IDE: variants seen among roughly 807,000 people sequenced by gnomAD.
IDE encodes the protein insulin-degrading enzyme.
Under a neutral mutation model 133.2 loss-of-function variants are expected in IDE, and 58 were observed. The observed-to-expected ratio is 0.44, with a 90% CI of 0.35 to 0.54. The LOEUF is 0.54. Ranked by LOEUF, IDE falls within the 20% of genes least tolerant of loss-of-function variation. The pLI, the probability that IDE is intolerant of heterozygous loss-of-function variation, is 0.00. For missense variants in IDE, 981 were observed against 1,234.0 expected (o/e 0.79, Z 3.07); for synonymous variants, 396 against 421.3 (o/e 0.94, Z 0.73).
chr10:92,547,981 G>T (rs894657879), intron 1 of IDE, among the ~76,000 whole-genome samples: 7 of 151,940 alleles, frequency 4.6e-5, no homozygotes, highest in African/African-American at 1.2e-4. Flanking sequence ...GAACACCCAG[G>T]CCCAAGCGAT....
At chr10:92,527,185 G>C (rs1849671864) in intron 4 of IDE, among the ~76,000 whole-genome samples, 1 of 152,120 alleles carries the variant, frequency 6.6e-6, no homozygotes, top group Admixed American at 6.6e-5. Context: ...GTAGTCTATA[G>C]AAAGTCTACA....
chr10:92,465,769 T>A lies in IDE; in HGVS notation c.2395A>T (p.Met799Leu), dbSNP rs771781086. ...AACATATTCTCTGAGGTGCTTTGCA[T>A]GTCTGTTTGGTAGTATATCTCGATG... is the stretch of plus-strand genomic sequence containing the variant. ...CGIEIYYQTD[M>L]QSTSENMFLE... The change falls in exon 20 of 25, where the codon ATG becomes TTG. Residue 799 changes from methionine to leucine, a missense_variant. By Grantham distance (15) the Met-to-Leu change is conservative (BLOSUM62 2). Coordinates refer to ENST00000265986, the MANE Select transcript of IDE (RefSeq NM_004969.4). The A allele has an allele frequency of 4.3e-6, 7 of 1,613,902 alleles. No individual in the cohort carries two copies. The South Asian group carries it at 4.4e-5, about 10-fold the overall frequency.
At chr10:92,552,890 T>C (rs1218016916) in intron 1 of IDE, among the ~76,000 whole-genome samples, 1 of 89,998 alleles carries the variant, frequency 1.1e-5, no homozygotes, top group Non-Finnish European at 2.2e-5. Flanking sequence ...TATTTTCCAA[T>C]AAAAGGAACT....
intron 1 of IDE, among the ~76,000 whole-genome samples, chr10:92,569,955 C>A (rs1843712460): frequency 6.6e-6 from 1 of 152,046 alleles, no homozygotes; most frequent in Non-Finnish European, 1.5e-5. Context: ...ACTAAAAATA[C>A]AAAAATTAGT....
At chr10:92,560,016 T>TACTTA (rs749165706) in intron 1 of IDE, among the ~76,000 whole-genome samples, 145 of 152,336 alleles carry the variant, frequency 9.5e-4, no homozygotes, top group Non-Finnish European at 1.4e-3. Context: ...ATTTACTTAT[T>TACTTA]TAAAAACTCA....
intron 9 of IDE, 49 bp downstream of exon 9, chr10:92,507,526 C>T: frequency 1.1e-6 from 1 of 915,960 alleles, no homozygotes; most frequent in Non-Finnish European, 1.8e-6. Context: ...CATGTATTTG[C>T]TCTTGAAAAA....
At chr10:92,543,960 C>A (rs555539111) in intron 1 of IDE, among the ~76,000 whole-genome samples, 55 of 152,266 alleles carry the variant, frequency 3.6e-4, no homozygotes, top group African/African-American at 1.3e-3. Context: ...AGGCCGGGTG[C>A]CGTGGGTCAC....
intron 1 of IDE, among the ~76,000 whole-genome samples, chr10:92,573,474 G>C (rs1389069241): frequency 6.6e-6 from 1 of 152,250 alleles, no homozygotes; most frequent in Non-Finnish European, 1.5e-5. Context: ...GGGCAGGGCT[G>C]AGGGCAAGGT....
In IDE at chr10:92,537,325, A is replaced by G. The variant is rs368074944; in HGVS notation, c.283+41T>C. 1.7e-4 allele frequency: 254 copies of G among 1,501,810 alleles called. 1 individual carries two copies. Among genetic ancestry groups the G allele is most frequent in the African/African-American group, 2.9e-4 (21 of 71,814 alleles). The allele number at this position is 1,501,810 out of a possible 1,614,324, so 93.0% of individuals were successfully genotyped here. On this transcript the variant is annotated intron_variant, in intron 2 of 24. Transcript: ENST00000265986. Reference sequence around the variant, plus strand: ...TCTAATAAATGTCAGCATTAGGTCAATGAAACAAAACAAAGCTTAATTCAC... The same window carrying G: ...TCTAATAAATGTCAGCATTAGGTCAGTGAAACAAAACAAAGCTTAATTCAC...
rs1727576282 is a variant in IDE, at chr10:92,474,955, G to A, written c.2002C>T (p.Arg668Ter). 3.1e-6 allele frequency: 5 copies of A among 1,602,838 alleles called. No homozygotes were observed. The highest frequency in any genetic ancestry group is 4.3e-6 in the Non-Finnish European group (5 of 1,175,762). The change falls in exon 17 of 25, where the codon CGA (arginine) becomes TGA (stop). Residue 668 changes from arginine (R) to a stop codon, truncating the protein, a stop_gained. Transcript: ENST00000265986. LOFTEE classifies it high-confidence loss of function. ...TCAGCCCGGAAATTGTTAAGAGATCGCATATACTAGTGAAAGAGACATGCG... is the reference window on the plus strand; with the variant it reads ...TCAGCCCGGAAATTGTTAAGAGATCACATATACTAGTGAAAGAGACATGCG... ...RFEIIKEAYM[R>*]SLNNFRAEQP...
chr10:92,474,830 G>T lies in IDE; in HGVS notation c.2116+11C>A. The T allele has an allele frequency of 6.2e-7, 1 of 1,600,976 alleles. No individual in the cohort carries two copies. The highest frequency in any genetic ancestry group is 8.5e-7 in the Non-Finnish European group (1 of 1,176,498). On this transcript the variant is annotated intron_variant, in intron 17 of 24. Coordinates refer to ENST00000265986, the MANE Select transcript of IDE (RefSeq NM_004969.4). ...TGAAGAAAGCATTAAGCTTTAAGTA[G>T]AAAGTCTCACCATCCAGAGCTTCTT...
At chr10:92,500,216 A>C (rs537161658) in intron 11 of IDE, among the ~76,000 whole-genome samples, 6 of 151,904 alleles carry the variant, frequency 3.9e-5, no homozygotes, top group Non-Finnish European at 8.8e-5. Context: ...AGAATCGCTT[A>C]AACTCGGGAG....
At chr10:92,539,429 T>C (rs1039795565) in intron 1 of IDE, among the ~76,000 whole-genome samples, 3 of 152,162 alleles carry the variant, frequency 2.0e-5, no homozygotes, top group Admixed American at 1.3e-4. Context: ...TAGGTCACTG[T>C]TGGAAAATTC....
chr10:92,546,396 A>G (rs1359155291), intron 1 of IDE, among the ~76,000 whole-genome samples: 1 of 152,248 alleles, frequency 6.6e-6, no homozygotes, highest in Non-Finnish European at 1.5e-5. Flanking sequence ...GCTTTTCAAA[A>G]TATCATAAAA....
At chr10:92,505,051 C>T (rs1010975912) in intron 10 of IDE, among the ~76,000 whole-genome samples, 154 bp from the exon 11 acceptor site, 9 of 152,158 alleles carry the variant, frequency 5.9e-5, no homozygotes, top group African/African-American at 1.7e-4. Context: ...AGCCCTAAAT[C>T]GTTGTCTCTT....
chr10:92,507,718 G>T, intron 8 of IDE, 52 bp from the exon 9 acceptor site: 1 of 985,338 alleles, frequency 1.0e-6, no homozygotes, highest in Non-Finnish European at 1.6e-6. Context: ...ATCCTTCAAA[G>T]CAGTGAGCTC....
intron 4 of IDE, among the ~76,000 whole-genome samples, chr10:92,527,652 A>T (rs2135646528): frequency 6.6e-6 from 1 of 152,302 alleles, no homozygotes; most frequent in East Asian, 1.9e-4. Context: ...ATTTCTGAAT[A>T]TTTTACAGCT....
chr10:92,486,693 G>C (rs183703204), intron 13 of IDE, among the ~76,000 whole-genome samples: 37 of 152,220 alleles, frequency 2.4e-4, no homozygotes, highest in African/African-American at 7.9e-4. Flanking sequence ...AAGATGGGGA[G>C]GGAACCCTAC....
chr10:92,556,788 G>C (rs1209728259), intron 1 of IDE, among the ~76,000 whole-genome samples: 2 of 151,830 alleles, frequency 1.3e-5, no homozygotes, highest in Non-Finnish European at 2.9e-5. Flanking sequence ...GCTGAACACG[G>C]TGGTGGGCGC....
Sources: gnomAD v4.1 joint callset for allele counts (sites outside exome capture counted in the v4.1 genomes callset) on GRCh38, gnomAD v4.1.1 for gene constraint, MANE v1.5 for transcripts, NCBI Gene and HGNC (gene_info 2026-07-23, HGNC 2026-07-21) for gene names.